The following ALCAM variants were observed in gnomAD, a reference collection of about 807,000 sequenced individuals.
ALCAM encodes the protein CD166 antigen.
ALCAM carries 30 observed loss-of-function variants against 70.9 expected under a neutral mutation model. The observed-to-expected ratio is 0.42, with a 90% CI of 0.32 to 0.57. ALCAM has a LOEUF of 0.57. ALCAM is among the 20% of genes least tolerant of loss of function. The pLI is 0.11. For missense variants in ALCAM, 591 were observed against 695.1 expected (o/e 0.85, Z 1.68); for synonymous variants, 249 against 242.5 (o/e 1.03, Z -0.25).
intron 14 of ALCAM, among the ~76,000 whole-genome samples, chr3:105,559,754 C>T (rs1263959395): frequency 2.0e-5 from 3 of 152,112 alleles, no homozygotes; most frequent in African/African-American, 7.2e-5. Flanking sequence ...AAACCACTGG[C>T]TAATTGTTAT....
At chr3:105,385,781 T>G (rs1467186018) in intron 1 of ALCAM, among the ~76,000 whole-genome samples, 1 of 151,682 alleles carries the variant, frequency 6.6e-6, no homozygotes, top group East Asian at 1.9e-4. Context: ...GAATTGTATT[T>G]GTCTGCTTAA....
intron 6 of ALCAM, among the ~76,000 whole-genome samples, chr3:105,538,599 T>C (rs973926668): frequency 5.9e-5 from 9 of 152,088 alleles, no homozygotes; most frequent in Non-Finnish European, 1.3e-4. Flanking sequence ...CCCTGGCTGT[T>C]CTGTTGTGTC....
At position 105,576,182 on chromosome 3, in the gene ALCAM, A is replaced by T. The variant is rs1271450658; in HGVS notation, c.*1731A>T. The stretch of plus-strand genomic sequence containing the variant: ...TTTTATTGAAGTTTTATTTGGCAGG[A>T]AAAAAAATTGAATCTTGGTCAACAT... On this transcript the variant is annotated 3_prime_UTR_variant, in exon 16 of 16. Transcript: ENST00000306107. 1.3e-5 allele frequency: 2 copies of T among 152,456 alleles called. No individual in the cohort carries two copies. Among genetic ancestry groups the T allele is most frequent in the African/African-American group, 4.8e-5 (2 of 41,426 alleles). 9.4% of individuals were successfully genotyped at this position (152,456 alleles called of 1,614,324 possible).
chr3:105,387,078 A>AT (rs1250832725), intron 1 of ALCAM, among the ~76,000 whole-genome samples: 8 of 151,508 alleles, frequency 5.3e-5, no homozygotes, highest in Non-Finnish European at 1.2e-4. Flanking sequence ...AAATCTTGAG[A>AT]TTTTTTCCAC....
intron 14 of ALCAM, among the ~76,000 whole-genome samples, chr3:105,556,895 C>T (rs563195835): frequency 4.1e-4 from 63 of 151,962 alleles, no homozygotes; most frequent in African/African-American, 1.5e-3. Context: ...GAGAACCTAC[C>T]GTTTTTCTCT....
At chr3:105,380,772 T>C (rs1046506294) in intron 1 of ALCAM, among the ~76,000 whole-genome samples, 3 of 151,952 alleles carry the variant, frequency 2.0e-5, no homozygotes, top group Non-Finnish European at 2.9e-5. Context: ...TATTTAAGAA[T>C]TGTCAACACA....
intron 1 of ALCAM, among the ~76,000 whole-genome samples, chr3:105,431,981 A>G (rs1346352937): frequency 6.6e-6 from 1 of 152,180 alleles, no homozygotes; most frequent in African/African-American, 2.4e-5. Context: ...GATTTCATGC[A>G]GCAAAACTTG....
chr3:105,462,872 A>T (rs1160728582), intron 1 of ALCAM, among the ~76,000 whole-genome samples: 1 of 151,358 alleles, frequency 6.6e-6, no homozygotes, highest in Non-Finnish European at 1.5e-5. Flanking sequence ...TAACCTTTCC[A>T]TCTGTTTCTC....
chr3:105,489,821 C>T (rs1284482848), intron 1 of ALCAM, among the ~76,000 whole-genome samples: 2 of 129,518 alleles, frequency 1.5e-5, no homozygotes, highest in East Asian at 4.5e-4. Context: ...GAACACTATC[C>T]TGACATAGAG....
At chr3:105,547,593 C>T in intron 11 of ALCAM, 70 bp downstream of exon 11, 2 of 1,545,280 alleles carry the variant, frequency 1.3e-6, no homozygotes, top group Non-Finnish European at 1.7e-6. Context: ...CGAACCTACC[C>T]TATAGGTTGG....
intron 1 of ALCAM, among the ~76,000 whole-genome samples, chr3:105,412,879 G>A (rs1220110050): frequency 6.6e-6 from 1 of 151,976 alleles, no homozygotes; most frequent in Non-Finnish European, 1.5e-5. Flanking sequence ...ATATTAAATA[G>A]AATTTCTCTC....
At chr3:105,567,385 T>A (rs1940767107) in intron 14 of ALCAM, among the ~76,000 whole-genome samples, 1 of 152,178 alleles carries the variant, frequency 6.6e-6, no homozygotes, top group Non-Finnish European at 1.5e-5. Flanking sequence ...TGTCAGCATA[T>A]GTTAGCCTGC....
chr3:105,538,061 T>G (rs1162244728), intron 6 of ALCAM, among the ~76,000 whole-genome samples: 1 of 152,122 alleles, frequency 6.6e-6, no homozygotes, highest in Non-Finnish European at 1.5e-5. Flanking sequence ...CTTCATATGT[T>G]GGGAATGTGT....
chr3:105,399,623 C>T (rs1936040704), intron 1 of ALCAM, among the ~76,000 whole-genome samples: 1 of 152,078 alleles, frequency 6.6e-6, no homozygotes, highest in Non-Finnish European at 1.5e-5. Context: ...AGACTATATC[C>T]AGTTACTGTA....
At chr3:105,522,967 G>A (rs1364486444) in intron 2 of ALCAM, among the ~76,000 whole-genome samples, 1 of 151,782 alleles carries the variant, frequency 6.6e-6, no homozygotes, top group Non-Finnish European at 1.5e-5. Flanking sequence ...GTGAAACCCC[G>A]TCTCTACTAA....
At chr3:105,559,961 T>C (rs1237092246) in intron 14 of ALCAM, among the ~76,000 whole-genome samples, 9 of 152,300 alleles carry the variant, frequency 5.9e-5, no homozygotes, top group African/African-American at 2.2e-4. Flanking sequence ...ATCCATTCTC[T>C]TCTTGGACAT....
At chr3:105,500,604 T>A (rs1938893802) in intron 1 of ALCAM, among the ~76,000 whole-genome samples, 1 of 152,206 alleles carries the variant, frequency 6.6e-6, no homozygotes, top group Non-Finnish European at 1.5e-5. Context: ...TTCAGTATCT[T>A]TAAAATACCA....
At chr3:105,553,208 C>A in intron 14 of ALCAM, 2 of 705,488 alleles carry the variant, frequency 2.8e-6, no homozygotes, top group Non-Finnish European at 3.5e-6. Flanking sequence ...TAGTATGAAC[C>A]TTACAAATTA....
intron 1 of ALCAM, among the ~76,000 whole-genome samples, chr3:105,390,088 C>A (rs979711126): frequency 2.0e-5 from 3 of 151,736 alleles, no homozygotes; most frequent in Non-Finnish European, 4.4e-5. Flanking sequence ...TGTCTATTCC[C>A]GTGGGTGTAT....
Sources: allele counts gnomAD v4.1 joint callset (sites outside exome capture counted in the v4.1 genomes callset), GRCh38; gene constraint gnomAD v4.1.1; transcripts MANE v1.5; gene names NCBI Gene and HGNC (gene_info 2026-07-23, HGNC 2026-07-21).